Variants in RETREG1 observed in about 807,000 individuals in gnomAD.
RETREG1 encodes the protein family with sequence similarity 134 member B.
RETREG1 carries 44 observed loss-of-function variants against 54.8 expected under a neutral mutation model. The observed-to-expected ratio is 0.80, with a 90% CI of 0.63 to 1.03. The LOEUF (loss-of-function observed/expected upper bound fraction) is 1.03, where lower values mean the gene tolerates loss of function less well. Ranked by LOEUF, RETREG1 falls within the 50% of genes least tolerant of loss-of-function variation. RETREG1 has a pLI of 0.00. For synonymous variants in RETREG1, 217 were observed against 238.5 expected (o/e 0.91, Z 0.83); for missense variants, 554 against 605.1 (o/e 0.92, Z 0.89).
At chr5:16,559,493 T>C (rs1741798744) in intron 3 of RETREG1, among the ~76,000 whole-genome samples, 1 of 152,198 alleles carries the variant, frequency 6.6e-6, no homozygotes, top group African/African-American at 2.4e-5. Context: ...ATTCCTGGAA[T>C]ATCTATCAGA....
intron 1 of RETREG1, among the ~76,000 whole-genome samples, chr5:16,590,708 A>C (rs893623851): frequency 1.3e-5 from 2 of 152,164 alleles, no homozygotes; most frequent in African/African-American, 4.8e-5. Context: ...AAGCTAAGAA[A>C]GAGTAAGTCA....
intron 1 of RETREG1, among the ~76,000 whole-genome samples, chr5:16,599,302 A>C (rs924713594): frequency 2.0e-5 from 3 of 152,208 alleles, no homozygotes; most frequent in African/African-American, 4.8e-5. Context: ...GCTAGAACCA[A>C]ATATACTCCA....
intron 1 of RETREG1, among the ~76,000 whole-genome samples, chr5:16,573,939 G>C (rs900952647): frequency 6.6e-6 from 1 of 152,026 alleles, no homozygotes; most frequent in African/African-American, 2.4e-5. Context: ...TACAGACAGG[G>C]TTTCACCGTG....
At chr5:16,568,511 G>T (rs1353847410) in intron 2 of RETREG1, among the ~76,000 whole-genome samples, 1 of 152,164 alleles carries the variant, frequency 6.6e-6, no homozygotes, top group East Asian at 1.9e-4. Context: ...GACCTCAAGT[G>T]ATCCACCTGC....
chr5:16,596,837 G>T (rs1045422817), intron 1 of RETREG1, among the ~76,000 whole-genome samples: 24 of 152,238 alleles, frequency 1.6e-4, no homozygotes, highest in Middle Eastern at 3.4e-3. Context: ...CTAGAGAATG[G>T]ACCACAAAAA....
chr5:16,478,892 C>T lies in RETREG1; in HGVS notation c.766G>A (p.Gly256Arg). 3 of 1,612,338 alleles carry T rather than the reference C, an allele frequency of 1.9e-6. No individual in the cohort carries two copies. The highest frequency in any genetic ancestry group is 2.2e-5 in the East Asian group (1 of 44,770). ...IKSVLLKLDF[G>R]IGEYINQKKR... is the part of the protein sequence containing the mutation. ...TTCTGATTAATATATTCTCCAATTC[C>T]AAAATCCAGTTTCAGCAGAACTGAC... The change falls in exon 6 of 9, where the codon GGA becomes AGA. Residue 256 changes from glycine (G) to arginine (R), a missense_variant. Transcript: ENST00000306320.
At chr5:16,551,744 A>T (rs1279650996) in intron 3 of RETREG1, among the ~76,000 whole-genome samples, 1 of 152,198 alleles carries the variant, frequency 6.6e-6, no homozygotes, top group Non-Finnish European at 1.5e-5. Context: ...CTGCTGTAAC[A>T]AATTACAAAT....
intron 1 of RETREG1, among the ~76,000 whole-genome samples, chr5:16,575,772 G>A (rs933307561): frequency 6.6e-6 from 1 of 152,228 alleles, no homozygotes; most frequent in African/African-American, 2.4e-5. Flanking sequence ...CAAACTGTAT[G>A]GGACTACATA....
intron 3 of RETREG1, among the ~76,000 whole-genome samples, chr5:16,522,847 T>C (rs533593923): frequency 6.6e-6 from 1 of 151,958 alleles, no homozygotes; most frequent in African/African-American, 2.4e-5. Flanking sequence ...TCTTCAAAAA[T>C]TTTAAAAAGT....
At chr5:16,517,290 C>A (rs987835716) in intron 3 of RETREG1, among the ~76,000 whole-genome samples, 4 of 152,146 alleles carry the variant, frequency 2.6e-5, no homozygotes, top group African/African-American at 9.7e-5. Context: ...CCTGAACACT[C>A]TTGAAGCAGA....
chr5:16,548,167 T>C (rs1741438410), intron 3 of RETREG1, among the ~76,000 whole-genome samples: 1 of 152,230 alleles, frequency 6.6e-6, no homozygotes, highest in Non-Finnish European at 1.5e-5. Context: ...AAGACTCATT[T>C]CTTTACTCTC....
At chr5:16,534,743 C>T (rs1393282100) in intron 3 of RETREG1, among the ~76,000 whole-genome samples, 2 of 152,162 alleles carry the variant, frequency 1.3e-5, no homozygotes, top group Non-Finnish European at 2.9e-5. Flanking sequence ...AGAAGAGAAG[C>T]CCCCCTCAGA....
chr5:16,484,603 C>T (rs16868685), intron 3 of RETREG1, among the ~76,000 whole-genome samples: 3,742 of 152,234 alleles, frequency 0.025, 152 homozygotes, highest in African/African-American at 0.086. Context: ...CCCTTAGATG[C>T]TCAACTATAC....
intron 1 of RETREG1, among the ~76,000 whole-genome samples, chr5:16,604,916 T>C (rs1310336348): frequency 3.3e-5 from 5 of 152,216 alleles, no homozygotes; most frequent in Non-Finnish European, 7.3e-5. Flanking sequence ...TCATTTATCT[T>C]TAGCAAATGG....
At chr5:16,601,355 TAA>T (rs1473644712) in intron 1 of RETREG1, among the ~76,000 whole-genome samples, 2 of 73,518 alleles carry the variant, frequency 2.7e-5, no homozygotes, top group Non-Finnish European at 3.9e-5. Flanking sequence ...ACAAAATTTT[TAA>T]AAAAGAGGAA....
At chr5:16,577,287 TTG>T (rs1403213230) in intron 1 of RETREG1, among the ~76,000 whole-genome samples, 3 of 125,172 alleles carry the variant, frequency 2.4e-5, no homozygotes, top group Non-Finnish European at 5.2e-5. Flanking sequence ...AGACTTAGGT[TTG>T]TTTTTTTTTT....
chr5:16,568,164 G>C (rs1271975766), intron 2 of RETREG1, among the ~76,000 whole-genome samples: 3 of 152,074 alleles, frequency 2.0e-5, no homozygotes, highest in Non-Finnish European at 2.9e-5. Context: ...ATGACAAAGA[G>C]AGGGAGAGAG....
intron 8 of RETREG1, among the ~76,000 whole-genome samples, chr5:16,476,662 A>T (rs1738550152): frequency 6.6e-6 from 1 of 151,596 alleles, no homozygotes; most frequent in Non-Finnish European, 1.5e-5. Context: ...AGAAAACCAA[A>T]CACACTGCCT....
chr5:16,563,524 T>G (rs544726513), intron 3 of RETREG1, among the ~76,000 whole-genome samples: 2 of 152,268 alleles, frequency 1.3e-5, no homozygotes, highest in African/African-American at 4.8e-5. Flanking sequence ...CCTCCCAAAT[T>G]TCTGGGATTA....
Sources: allele counts gnomAD v4.1 joint callset (sites outside exome capture counted in the v4.1 genomes callset), GRCh38; gene constraint gnomAD v4.1.1; transcripts MANE v1.5; gene names NCBI Gene and HGNC (gene_info 2026-07-23, HGNC 2026-07-21).